Variants in SLC37A1 observed in about 807,000 individuals in gnomAD.
The protein encoded by SLC37A1 is glucose-6-phosphate exchanger SLC37A1.
Under a neutral mutation model 75.3 loss-of-function variants are expected in SLC37A1, and 49 were observed. That is an observed-to-expected ratio of 0.65 (90% CI 0.52 to 0.83). The LOEUF (loss-of-function observed/expected upper bound fraction) is 0.83. SLC37A1 is among the 40% of genes least tolerant of loss of function. The probability of loss-of-function intolerance (pLI) is 0.00; values close to 1 mark genes in which losing one functional copy is unlikely to be tolerated. For synonymous variants in SLC37A1, 268 were observed against 292.1 expected (o/e 0.92, Z 0.84); for missense variants, 566 against 695.0 (o/e 0.81, Z 2.09).
rs561235728 is a variant in SLC37A1 at position 42,580,600 on chromosome 21, C to T, written c.*240C>T. 118 of 550,324 alleles carry T rather than the reference C, an allele frequency of 2.1e-4. 2 individuals carry two copies. In the South Asian group the frequency reaches 2.6e-3, roughly 12 times the overall value. 34.1% of individuals were successfully genotyped at this position (550,324 alleles called of 1,614,324 possible). A position where few individuals can be genotyped will look rare whatever the true frequency, so the allele number is the denominator to read the frequency against. ...TGCTGCCTGAGCCAAGCCAGAGAAC[C>T]GAAGACCCGGCCGGCCCTGGCCTCA... On this transcript the variant is annotated 3_prime_UTR_variant, in exon 20 of 20. Coordinates refer to ENST00000352133, the MANE Select transcript of SLC37A1 (RefSeq NM_001320537.2).
intron 2 of SLC37A1, among the ~76,000 whole-genome samples, chr21:42,519,822 T>C (rs1445566068): frequency 3.9e-5 from 6 of 152,244 alleles, no homozygotes; most frequent in Admixed American, 3.9e-4. Context: ...GTCTAGCTTC[T>C]TCATTTTGTA....
chr21:42,518,486 T>G lies in SLC37A1; in HGVS notation c.32T>G (p.Ile11Ser). 6.2e-7 allele frequency: 1 copy of G among 1,614,156 alleles called. No homozygotes were observed. Among genetic ancestry groups the G allele is most frequent in the African/African-American group, 1.3e-5 (1 of 75,012 alleles). ...CGACTCCCCGCTGGCATTCGCTTCA[T>G]CATCTCATTCTCCAGGGATCAGTGG... The part of the protein sequence containing the change: MARLPAGIRF[I>S]ISFSRDQWYR... The change falls in exon 2 of 20, where the codon ATC becomes AGC. Residue 11 changes from isoleucine to serine, a missense_variant. Coordinates refer to ENST00000352133, the MANE Select transcript of SLC37A1 (RefSeq NM_001320537.2).
intron 15 of SLC37A1, among the ~76,000 whole-genome samples, chr21:42,566,539 G>A (rs2055982346): frequency 1.3e-5 from 2 of 152,234 alleles, no homozygotes; most frequent in Non-Finnish European, 2.9e-5. Flanking sequence ...CCAGAAGGCA[G>A]CTTGCCCACA....
At chr21:42,563,720 A>G (rs2055895342) in intron 12 of SLC37A1, 95 bp from the exon 13 acceptor site, 2 of 1,120,928 alleles carry the variant, frequency 1.8e-6, no homozygotes, top group South Asian at 1.3e-5. Context: ...TTATGAAGCC[A>G]GAGTCCCGTG....
intron 2 of SLC37A1, among the ~76,000 whole-genome samples, chr21:42,522,328 C>T (rs2054671022): frequency 6.6e-6 from 1 of 152,136 alleles, no homozygotes; most frequent in African/African-American, 2.4e-5. Flanking sequence ...ATAAAGAAAA[C>T]GTAGATAGAA....
intron 3 of SLC37A1, among the ~76,000 whole-genome samples, chr21:42,532,619 G>T (rs1425548066): frequency 1.3e-5 from 2 of 152,202 alleles, no homozygotes; most frequent in Non-Finnish European, 2.9e-5. Context: ...AAAGGCCACA[G>T]ATACCAGCTT....
chr21:42,525,288 C>A (rs1464719496), intron 2 of SLC37A1, among the ~76,000 whole-genome samples: 1 of 152,250 alleles, frequency 6.6e-6, no homozygotes, highest in Non-Finnish European at 1.5e-5. Context: ...TTCTTGGGAA[C>A]CACCCTGAGA....
In SLC37A1 at chr21:42,580,504, A is replaced by G; in HGVS notation, c.*144A>G. 3 of 795,676 alleles carry G rather than the reference A, an allele frequency of 3.8e-6. No individual in the cohort carries two copies. The Admixed American group carries it at 8.3e-5, about 22-fold the overall frequency. The allele number at this position is 795,676 out of a possible 1,614,324, so 49.3% of individuals were successfully genotyped here. On this transcript the variant is annotated 3_prime_UTR_variant, in exon 20 of 20. Transcript: ENST00000352133. ...GCACCTGGAAAAGACACAGAAGCCA[A>G]CCTGAGAACCCCTGGTGCTATTTTA...
intron 6 of SLC37A1, among the ~76,000 whole-genome samples, chr21:42,540,447 A>G (rs774085407): frequency 2.0e-5 from 3 of 152,180 alleles, no homozygotes; most frequent in Non-Finnish European, 4.4e-5. Flanking sequence ...TGAGGAGTCT[A>G]CAGAGGGATG....
At chr21:42,544,987 C>T (rs1267163731) in intron 8 of SLC37A1, among the ~76,000 whole-genome samples, 1 of 152,160 alleles carries the variant, frequency 6.6e-6, no homozygotes, top group Non-Finnish European at 1.5e-5. Flanking sequence ...GAGAAAAGGA[C>T]ATGTGGAAGG....
At chr21:42,560,138 G>C (rs2055792433) in intron 11 of SLC37A1, among the ~76,000 whole-genome samples, 2 of 152,198 alleles carry the variant, frequency 1.3e-5, no homozygotes, top group Non-Finnish European at 2.9e-5. Context: ...ATGAGCGGGA[G>C]GGGCACTGTA....
At chr21:42,579,651 CG>C in intron 18 of SLC37A1, 84 bp from the exon 19 acceptor site, 1 of 1,382,058 alleles carries the variant, frequency 7.2e-7, no homozygotes, top group Admixed American at 2.1e-5. Flanking sequence ...CCAGGCCTTG[CG>C]GGCCAGGTCC....
chr21:42,539,298 TA>T (rs2055215844), intron 5 of SLC37A1, among the ~76,000 whole-genome samples: 1 of 152,232 alleles, frequency 6.6e-6, no homozygotes, highest in Non-Finnish European at 1.5e-5. Flanking sequence ...CTACTAGAAA[TA>T]AAATCTTCTA....
chr21:42,524,014 C>T (rs997824160), intron 2 of SLC37A1, among the ~76,000 whole-genome samples: 1 of 152,200 alleles, frequency 6.6e-6, no homozygotes, highest in East Asian at 1.9e-4. Context: ...AAGCTTCCCT[C>T]GGAGTAAATC....
chr21:42,539,939 G>C (rs534238453), intron 6 of SLC37A1, among the ~76,000 whole-genome samples: 1 of 152,336 alleles, frequency 6.6e-6, no homozygotes, highest in Admixed American at 6.5e-5. Flanking sequence ...CTGTCTTCAT[G>C]TGGATAAGTT....
chr21:42,571,861 C>T (rs1016105080), intron 17 of SLC37A1, among the ~76,000 whole-genome samples: 8 of 152,176 alleles, frequency 5.3e-5, no homozygotes, highest in Non-Finnish European at 1.0e-4. Context: ...GCACCGTGGT[C>T]GCCATCCTGC....
At chr21:42,541,885 G>A (rs112809581) in intron 6 of SLC37A1, among the ~76,000 whole-genome samples, 49 of 152,212 alleles carry the variant, frequency 3.2e-4, no homozygotes, top group African/African-American at 9.6e-4. Flanking sequence ...TGGACCACAG[G>A]TGTGCACCAC....
intron 18 of SLC37A1, among the ~76,000 whole-genome samples, chr21:42,578,524 G>T (rs568541781): frequency 2.6e-5 from 4 of 152,282 alleles, no homozygotes; most frequent in South Asian, 2.1e-4. Context: ...TGTGGGTAAG[G>T]TACCAGCTCA....
At chr21:42,578,302 T>C (rs1395027624) in intron 18 of SLC37A1, among the ~76,000 whole-genome samples, 1 of 152,192 alleles carries the variant, frequency 6.6e-6, no homozygotes, top group Non-Finnish European at 1.5e-5. Flanking sequence ...TCCTTGTTGG[T>C]CATTCTTGCA....
Sources: allele counts gnomAD v4.1 joint callset (sites outside exome capture counted in the v4.1 genomes callset), GRCh38; gene constraint gnomAD v4.1.1; transcripts MANE v1.5; gene names NCBI Gene and HGNC (gene_info 2026-07-23, HGNC 2026-07-21).